ACOXL: variants seen among roughly 807,000 people sequenced by gnomAD.
The protein encoded by ACOXL is acyl-coenzyme A oxidase-like protein.
In ACOXL, 70 loss-of-function variants were observed where a neutral mutation model predicts 71.9. The observed-to-expected ratio is 0.97, with a 90% CI of 0.80 to 1.19. ACOXL has a LOEUF of 1.19. Ranked by LOEUF, ACOXL falls within the 50% of genes most tolerant of loss-of-function variation. The pLI is 0.00. For missense variants in ACOXL, 703 were observed against 736.3 expected (o/e 0.95, Z 0.52); for synonymous variants, 253 against 281.6 (o/e 0.90, Z 1.02).
intron 2 of ACOXL, 43 bp downstream of exon 2, chr2:110,768,507 TGTGTGTGA>T: frequency 6.5e-7 from 1 of 1,531,568 alleles, no homozygotes; most frequent in East Asian, 2.3e-5. Flanking sequence ...TGTGTGTGTG[TGTGTGTGA>T]GAGAGAGAGA....
intron 2 of ACOXL, among the ~76,000 whole-genome samples, chr2:110,769,607 G>C (rs1681611667): frequency 6.6e-6 from 1 of 152,114 alleles, no homozygotes; most frequent in South Asian, 2.1e-4. Context: ...GCCTCAACAT[G>C]GCGAAACATG....
chr2:110,944,081 A>G lies in ACOXL; in HGVS notation c.1059+10439A>G, dbSNP rs556359130. On this transcript the variant is annotated intron_variant, in intron 12 of 17. Transcript: ENST00000439055. ...TTTATTTTTATTTTTATTTTTTGAGACAGTCTTGCTCTGTTGCCTAGGCTG... is the reference window on the plus strand; with the variant it reads ...TTTATTTTTATTTTTATTTTTTGAGGCAGTCTTGCTCTGTTGCCTAGGCTG... Among the ~76,000 whole-genome samples the G allele has an allele frequency of 7.9e-5, 12 of 151,990 alleles. No homozygotes were observed. In the East Asian group the frequency reaches 2.3e-3, roughly 29 times the overall value.
At chr2:111,075,415 G>T (rs1466247744) in intron 16 of ACOXL, among the ~76,000 whole-genome samples, 1 of 151,942 alleles carries the variant, frequency 6.6e-6, no homozygotes, top group Non-Finnish European at 1.5e-5. Context: ...TTTGATTACT[G>T]TGAGGCTGTA....
intron 10 of ACOXL, among the ~76,000 whole-genome samples, chr2:110,870,396 T>C (rs893947557): frequency 2.1e-4 from 32 of 152,078 alleles, no homozygotes; most frequent in African/African-American, 7.2e-4. Flanking sequence ...TTGTGACATA[T>C]TCAAATGTTA....
chr2:110,887,889 C>T (rs1034453424), intron 10 of ACOXL: 1 of 152,160 alleles, frequency 6.6e-6, no homozygotes, highest in Non-Finnish European at 1.5e-5. Context: ...AACATTTGCT[C>T]TCTTGCTGAC....
At chr2:111,057,471 G>T (rs1192412860) in intron 16 of ACOXL, among the ~76,000 whole-genome samples, 2 of 152,158 alleles carry the variant, frequency 1.3e-5, no homozygotes, top group Non-Finnish European at 2.9e-5. Flanking sequence ...TCAAAGTTAG[G>T]TGTCTCTGGG....
At chr2:110,957,797 C>A (rs576034539) in intron 12 of ACOXL, among the ~76,000 whole-genome samples, 2 of 152,168 alleles carry the variant, frequency 1.3e-5, no homozygotes, top group Non-Finnish European at 2.9e-5. Context: ...TGGCTTATGC[C>A]GGTAATCCTA....
intron 12 of ACOXL, among the ~76,000 whole-genome samples, chr2:110,947,841 C>T (rs2061165162): frequency 6.6e-6 from 1 of 152,220 alleles, no homozygotes; most frequent in Non-Finnish European, 1.5e-5. Flanking sequence ...CCTGCACAAC[C>T]ACATTCTTTA....
chr2:111,044,247 C>G (rs2065914295), intron 15 of ACOXL, among the ~76,000 whole-genome samples: 1 of 152,246 alleles, frequency 6.6e-6, no homozygotes, highest in South Asian at 2.1e-4. Context: ...GGTCTGTCCA[C>G]ATCCCTGCAA....
At chr2:110,734,268 C>T (rs1676554620) in intron 1 of ACOXL, among the ~76,000 whole-genome samples, 2 of 151,736 alleles carry the variant, frequency 1.3e-5, no homozygotes, top group South Asian at 4.2e-4. Context: ...TCTTTGGGGA[C>T]CTCATAATTT....
intron 14 of ACOXL, among the ~76,000 whole-genome samples, chr2:111,001,387 A>AAAAACAAAACAAAACAAAAC (rs138811808): frequency 1.4e-4 from 21 of 151,046 alleles, no homozygotes; most frequent in Non-Finnish European, 2.5e-4. Flanking sequence ...ACAAGTGGAG[A>AAAAACAAAACAAAACAAAAC]AAAACAAAAC....
chr2:110,969,151 C>T (rs1028431651), intron 12 of ACOXL, among the ~76,000 whole-genome samples: 5 of 151,958 alleles, frequency 3.3e-5, no homozygotes, highest in African/African-American at 9.7e-5. Flanking sequence ...CACATCAAAA[C>T]GTATGGGAGG....
At position 110,732,716 on chromosome 2, in the gene ACOXL, C is replaced by G. The variant is rs766229503; in HGVS notation, c.-81C>G. 2.0e-5 allele frequency: 3 copies of G among 152,540 alleles called. No individual in the cohort carries two copies. The highest frequency in any genetic ancestry group is 7.2e-5 in the African/African-American group (3 of 41,446). 9.4% of individuals were successfully genotyped at this position (152,540 alleles called of 1,614,324 possible). A position where few individuals can be genotyped will look rare whatever the true frequency, so the allele number is the denominator to read the frequency against. On this transcript the variant is annotated 5_prime_UTR_variant, in exon 1 of 18. Transcript: ENST00000439055. ...TGCACCGCTACCTGGACGGCGACTTCTGGAGCCTCAAGAACGAGCTGCGCG... is the reference window on the plus strand; with the variant it reads ...TGCACCGCTACCTGGACGGCGACTTGTGGAGCCTCAAGAACGAGCTGCGCG...
intron 10 of ACOXL, among the ~76,000 whole-genome samples, chr2:110,841,715 G>A (rs1573782981): frequency 1.3e-5 from 2 of 152,144 alleles, no homozygotes; most frequent in African/African-American, 2.4e-5. Flanking sequence ...GCCTGAAAAC[G>A]GGGATGCCCT....
intron 1 of ACOXL, among the ~76,000 whole-genome samples, chr2:110,746,428 T>C (rs756728390): frequency 6.6e-6 from 1 of 152,010 alleles, no homozygotes; most frequent in Non-Finnish European, 1.5e-5. Context: ...ACAATTCAGA[T>C]TGTAGTTGGC....
chr2:110,862,153 TC>T (rs1344965807), intron 10 of ACOXL, among the ~76,000 whole-genome samples: 1 of 151,980 alleles, frequency 6.6e-6, no homozygotes, highest in Non-Finnish European at 1.5e-5. Context: ...GGCCACTTCG[TC>T]CCTCCCAGTC....
intron 16 of ACOXL, among the ~76,000 whole-genome samples, chr2:111,089,003 A>G (rs777131477): frequency 7.9e-5 from 12 of 152,296 alleles, no homozygotes; most frequent in Middle Eastern, 6.8e-3. Flanking sequence ...TCAGATTACT[A>G]GAAGAGAAAA....
intron 16 of ACOXL, among the ~76,000 whole-genome samples, chr2:111,068,851 T>G (rs545912323): frequency 1.3e-5 from 2 of 152,338 alleles, no homozygotes; most frequent in African/African-American, 4.8e-5. Flanking sequence ...GCTGTCATAT[T>G]TGATGACACA....
intron 9 of ACOXL, among the ~76,000 whole-genome samples, chr2:110,818,428 T>A (rs1169775464): frequency 1.4e-5 from 2 of 143,176 alleles, no homozygotes; most frequent in Non-Finnish European, 3.0e-5. Context: ...TATATATGTG[T>A]GTGTGTGTGT....
Sources: allele counts gnomAD v4.1 joint callset (sites outside exome capture counted in the v4.1 genomes callset), GRCh38; gene constraint gnomAD v4.1.1; transcripts MANE v1.5; gene names NCBI Gene and HGNC (gene_info 2026-07-23, HGNC 2026-07-21).